THBS3: variants seen among roughly 807,000 people sequenced by gnomAD.
The protein encoded by THBS3 is thrombospondin-3.
In THBS3, 78 loss-of-function variants were observed where a neutral mutation model predicts 118.3. The ratio of observed to expected loss-of-function variants is 0.66; its 90% CI spans 0.55 to 0.80. THBS3 has a LOEUF of 0.80. Among genes scored for constraint, THBS3 ranks in the 30% least tolerant of loss-of-function variants. THBS3 has a pLI of 0.00. For missense variants in THBS3, 1,057 were observed against 1,247.4 expected, an observed-to-expected ratio of 0.85 and a Z score of 2.30; for synonymous variants, 427 against 475.3, an observed-to-expected ratio of 0.90 and a Z score of 1.32.
At chr1:155,201,655 G>A (rs566057854) in intron 10 of THBS3, 86 bp from the exon 11 acceptor site, 6 of 1,452,398 alleles carry the variant, frequency 4.1e-6, no homozygotes, top group Non-Finnish European at 5.7e-6. Context: ...CGGAGTGTGG[G>A]CTGGGCACTC....
chr1:155,196,534 G>C (rs1668705008), intron 21 of THBS3: 1 of 229,930 alleles, frequency 4.3e-6, no homozygotes, highest in Non-Finnish European at 8.5e-6. Context: ...CTTGGCCATG[G>C]AAAGTCCAGC....
In THBS3 at chr1:155,197,389, G is replaced by T. The variant is rs769681182; in HGVS notation, c.2499+74C>A. The T allele has an allele frequency of 1.7e-5, 27 of 1,560,484 alleles. No individual in the cohort carries two copies. Among genetic ancestry groups the T allele is most frequent in the East Asian group, 1.1e-4 (5 of 44,366 alleles). ...GTAAGAGGGTTCCCAGTCAAGCAGT[G>T]GGGGAGGCCCTGGGGCTGCAGAGGA... On this transcript the variant is annotated intron_variant, in intron 20 of 22. Transcript: ENST00000368378. This position sits in a 1 kb window ranked among gnomAD's most constrained non-coding sequence, Gnocchi z 5.0.
rs761640219 is a variant in THBS3, at chr1:155,201,090, G to A, written c.1440+4C>T. 1 of 1,614,186 alleles carries A rather than the reference G, an allele frequency of 6.2e-7. No individual in the cohort carries two copies. The highest frequency in any genetic ancestry group is 1.1e-5 in the South Asian group (1 of 91,074). ...ACGCCCCCTTGCCCGCCTGCTCCCT[G>A]CACCTGTTTGCAGTGTTTGTTGTTG... On this transcript the variant is annotated splice_donor_region_variant and intron_variant, in intron 12 of 22. Transcript: ENST00000368378.
upstream of THBS3, chr1:155,207,996 T>A: frequency 3.1e-4 from 112 of 364,096 alleles, no homozygotes; most frequent in East Asian, 7.1e-4. Flanking sequence ...AGCAGGCGGG[T>A]GAGGGGGGGC....
rs754937771 is a variant in THBS3 at position 155,203,305 on chromosome 1, CCT to C, written c.674-2_674-1del. The C allele has an allele frequency of 3.0e-5, 49 of 1,613,824 alleles. 1 individual carries two copies. The highest frequency in any genetic ancestry group is 3.3e-5 in the Non-Finnish European group (39 of 1,179,974). ...GGTGACCAGCGCCTTGGTCTGCTCC[CCT>C]GTCGGGACCCAGGGTGTGAGGGGTT... On this transcript the variant is annotated splice_acceptor_variant, in intron 5 of 22. Transcript: ENST00000368378. LOFTEE classifies it high-confidence loss of function.
In THBS3 at chr1:155,206,488, AC is replaced by A. The variant is rs1670561410; in HGVS notation, c.80-83del. On this transcript the variant is annotated intron_variant, in intron 1 of 22. Transcript: ENST00000368378. This position sits in a 1 kb window ranked among gnomAD's most constrained non-coding sequence, Gnocchi z 4.2. ...CTCCCCCGAGCCCACATCACCCCCT[AC>A]CCCCACCACCAGGCAGCGTTAGTCA... 5.0e-6 allele frequency: 6 copies of A among 1,207,868 alleles called. No individual in the cohort carries two copies. Among genetic ancestry groups the A allele is most frequent in the African/African-American group, 1.5e-5 (1 of 66,382 alleles). 74.8% of individuals were successfully genotyped at this position (1,207,868 alleles called of 1,614,324 possible). A position where few individuals can be genotyped will look rare whatever the true frequency, so the allele number is the denominator to read the frequency against.
In THBS3 at chr1:155,202,017, A is replaced by G; in HGVS notation, c.1116T>C (p.Asp372=). Residue 372 remains aspartate, a synonymous_variant, in exon 10 of 23, where the codon GAT becomes GAC. Transcript: ENST00000368378. The surrounding 1 kb of genome is among the most constrained non-coding windows in gnomAD (Gnocchi z 5.5). ...CACCATTGTTGCCATCGTTGCATTCATCGATGTCATTGCAGACCTGAAGGG... is the reference window on the plus strand; with the variant it reads ...CACCATTGTTGCCATCGTTGCATTCGTCGATGTCATTGCAGACCTGAAGGG... ...RASKQVCNDI[D]ECNDGNNGGC... 1 of 1,614,156 alleles carries G rather than the reference A, an allele frequency of 6.2e-7. No individual in the cohort carries two copies. Among genetic ancestry groups the G allele is most frequent in the Non-Finnish European group, 8.5e-7 (1 of 1,180,028 alleles).
intron 16 of THBS3, 118 bp from the exon 17 acceptor site, chr1:155,198,720 G>C (rs748978421): frequency 2.5e-5 from 24 of 971,008 alleles, no homozygotes; most frequent in Non-Finnish European, 3.5e-5. Flanking sequence ...CTGGCAGTCA[G>C]CCAGGTGAGG....
chr1:155,197,561 T>C lies in THBS3; in HGVS notation c.2401A>G (p.Ser801Gly). The change falls in exon 20 of 23, where the codon AGT becomes GGT. Residue 801 changes from serine to glycine, a missense_variant. By Grantham distance (56) the Ser-to-Gly change is moderately conservative. Transcript: ENST00000368378. The surrounding 1 kb of genome is among the most constrained non-coding windows in gnomAD (Gnocchi z 5.0). ...YAGFLFSYQDSGRFYVVMWKQ... is the reference protein window; with the variant it reads ...YAGFLFSYQDGGRFYVVMWKQ... The stretch of plus-strand genomic sequence containing the variant: ...CACATGACTACGTAGAAGCGGCCAC[T>C]GTCTTGATAACTGAAGAGAAAGCCT... The C allele has an allele frequency of 6.2e-7, 1 of 1,614,000 alleles. No homozygotes were observed. Among genetic ancestry groups the C allele is most frequent in the South Asian group, 1.1e-5 (1 of 91,078 alleles).
In THBS3 at chr1:155,206,483, C is replaced by T. The variant is rs1225789740; in HGVS notation, c.80-77G>A. On this transcript the variant is annotated intron_variant, in intron 1 of 22. Coordinates refer to ENST00000368378, the MANE Select transcript of THBS3 (RefSeq NM_007112.5). This position sits in a 1 kb window ranked among gnomAD's most constrained non-coding sequence, Gnocchi z 4.2. ...ATGCCCTCCCCCGAGCCCACATCAC[C>T]CCCTACCCCCACCACCAGGCAGCGT... is the stretch of plus-strand genomic sequence containing the variant. The T allele has an allele frequency of 6.2e-6, 8 of 1,283,632 alleles. No homozygotes were observed. In the East Asian group the frequency reaches 2.0e-4, roughly 32 times the overall value. The allele number at this position is 1,283,632 out of a possible 1,614,324, so 79.5% of individuals were successfully genotyped here. A position where few individuals can be genotyped will look rare whatever the true frequency, so the allele number is the denominator to read the frequency against.
rs750994628 is a variant in THBS3 at position 155,197,869 on chromosome 1, C to T, written c.2302+11G>A. The T allele has an allele frequency of 6.2e-7, 1 of 1,614,090 alleles. No individual in the cohort carries two copies. The highest frequency in any genetic ancestry group is 8.5e-7 in the Non-Finnish European group (1 of 1,180,032). ...ATTTGGAAGTGATTGAACTGCATAT[C>T]CCTTACATACCAACTGCCAAGCCAG... On this transcript the variant is annotated intron_variant, in intron 19 of 22. Coordinates refer to ENST00000368378, the MANE Select transcript of THBS3 (RefSeq NM_007112.5). This position sits in a 1 kb window ranked among gnomAD's most constrained non-coding sequence, Gnocchi z 5.0.
chr1:155,196,290 G>T (rs944694309), intron 21 of THBS3, 164 bp from the exon 22 acceptor site: 2 of 857,026 alleles, frequency 2.3e-6, no homozygotes, highest in South Asian at 1.7e-5. Context: ...GGGAAGGGGG[G>T]TGCTTTTCTC....
Position 155,205,217 on chromosome 1 carries a change from A to C in THBS3, c.386T>G (p.Leu129Arg). 6.2e-7 allele frequency: 1 copy of C among 1,614,166 alleles called. No individual in the cohort carries two copies. Among genetic ancestry groups the C allele is most frequent in the Non-Finnish European group, 8.5e-7 (1 of 1,180,038 alleles). ...DGRTHTVLLR[L>R]RGPSRPSPAL... is the part of the protein sequence containing the mutation. ...AGGGCTGGGTCTGGAGGGACCTCGG[A>C]GTCGCAGGAGAACTGTGTGTGTGCG... The change falls in exon 3 of 23, where the codon CTC (leucine) becomes CGC (arginine). Residue 129 changes from leucine (L) to arginine (R), a missense_variant. Transcript: ENST00000368378.
At position 155,195,764 on chromosome 1, in the gene THBS3, A is replaced by G; in HGVS notation, c.*77T>C. On this transcript the variant is annotated 3_prime_UTR_variant, in exon 23 of 23. Transcript: ENST00000368378. ...GTGGTTGGCTGAGGGGCTGTAGCTT[A>G]GACCTCAGGGTCTCCAGGATGGACC... 2 of 1,506,286 alleles carry G rather than the reference A, an allele frequency of 1.3e-6. No individual in the cohort carries two copies. The highest frequency in any genetic ancestry group is 9.1e-7 in the Non-Finnish European group (1 of 1,096,316). The allele number at this position is 1,506,286 out of a possible 1,614,324, so 93.3% of individuals were successfully genotyped here.
At position 155,202,641 on chromosome 1, in the gene THBS3, A is replaced by AGTCTTTGCCCCAGGCCTTCT. The variant is rs1298771640; in HGVS notation, c.957+151_957+170dup. On this transcript the variant is annotated intron_variant, in intron 8 of 22. Transcript: ENST00000368378. This position sits in a 1 kb window ranked among gnomAD's most constrained non-coding sequence, Gnocchi z 5.5. Reference sequence around the variant, plus strand: ...CCAGCTCCTTCCCTGTATGGCCTTCAGTCTTTGCCCCAGGCCTTCTGTCTC... The same window carrying AGTCTTTGCCCCAGGCCTTCT: ...CCAGCTCCTTCCCTGTATGGCCTTCAGTCTTTGCCCCAGGCCTTCTGTCTTTGCCCCAGGCCTTCTGTCTC... Among the ~76,000 whole-genome samples the AGTCTTTGCCCCAGGCCTTCT allele has an allele frequency of 7.2e-5, 11 of 152,066 alleles. No homozygotes were observed. The highest frequency in any genetic ancestry group is 2.2e-4 in the African/African-American group (9 of 41,468).
chr1:155,200,337 G>T, intron 14 of THBS3, 114 bp downstream of exon 14: 1 of 1,385,220 alleles, frequency 7.2e-7, no homozygotes, highest in Non-Finnish European at 1.0e-6. Context: ...CCAGGCCAAC[G>T]TCCACAAGCC....
chr1:155,202,421 G>A lies in THBS3; in HGVS notation c.958-20C>T, dbSNP rs1237141469. The A allele has an allele frequency of 6.2e-7, 1 of 1,612,416 alleles. No individual in the cohort carries two copies. Among genetic ancestry groups the A allele is most frequent in the South Asian group, 1.1e-5 (1 of 90,956 alleles). On this transcript the variant is annotated intron_variant, in intron 8 of 22. Transcript: ENST00000368378. This position sits in a 1 kb window ranked among gnomAD's most constrained non-coding sequence, Gnocchi z 5.5. ...AGCACACTGGGGACCAGATGAGAAG[G>A]CAGAGGTCAGGCCGCCCTCTGGGAA...
chr1:155,206,324 C>T lies in THBS3; in HGVS notation c.162G>A (p.Gly54=), dbSNP rs555047689. ...GGAAGGTGGATAAGAGGTAGATGTC[C>T]CCAGCAGTGAGCAAGGCTGTCCGGA... ...EKIRTALLTA[G]DIYLLSTFRL... Residue 54 remains glycine (G), a synonymous_variant, in exon 2 of 23, where the codon GGG becomes GGA. Transcript: ENST00000368378. The surrounding 1 kb of genome is among the most constrained non-coding windows in gnomAD (Gnocchi z 4.2). The T allele has an allele frequency of 1.2e-6, 2 of 1,614,158 alleles. No individual in the cohort carries two copies. Among genetic ancestry groups the T allele is most frequent in the Middle Eastern group, 1.6e-4 (1 of 6,062 alleles).
intron 16 of THBS3, 56 bp downstream of exon 16, chr1:155,199,748 C>T (rs1225157538): frequency 6.3e-7 from 1 of 1,594,636 alleles, no homozygotes. Context: ...GAGCAAGACT[C>T]CGTCTCAGAA....
Sources: gnomAD v4.1 joint callset for allele counts (sites outside exome capture counted in the v4.1 genomes callset) on GRCh38, gnomAD v4.1.1 for gene constraint, Gnocchi (gnomAD v3.1) non-coding constraint, MANE v1.5 for transcripts, NCBI Gene and HGNC (gene_info 2026-07-23, HGNC 2026-07-21) for gene names.